The following EOMES variants were observed in gnomAD, a reference collection of about 807,000 sequenced individuals.
EOMES encodes the protein eomesodermin, also known as eomesodermin homolog.
A neutral mutation model predicts 61.0 loss-of-function variants in EOMES; 18 were observed. The ratio of observed to expected loss-of-function variants is 0.30; its 90% CI spans 0.20 to 0.44. The LOEUF (loss-of-function observed/expected upper bound fraction) is 0.44. Ranked by LOEUF, EOMES falls within the 20% of genes least tolerant of loss-of-function variation. The pLI is 1.00. For missense variants in EOMES, 885 were observed against 939.2 expected (o/e 0.94, Z 0.75); for synonymous variants, 430 against 394.0 (o/e 1.09, Z -1.08).
At chr3:27,722,689 T>A (rs1172803511), upstream of EOMES, 4 of 1,010,860 alleles carry the variant, frequency 4.0e-6, no homozygotes, top group Non-Finnish European at 4.7e-6. Context: ...TGCCAAAGCA[T>A]CGGTCAAGTT....
rs567195383 is a variant in EOMES, at chr3:27,717,718, G to T, written c.1470C>A (p.Gly490=). The T allele has an allele frequency of 6.2e-7, 1 of 1,613,808 alleles. No homozygotes were observed. The highest frequency in any genetic ancestry group is 1.1e-5 in the South Asian group (1 of 91,054). The change falls in exon 6 of 6, where the codon GGC becomes GGA. Residue 490 remains glycine, a synonymous_variant. Coordinates refer to ENST00000449599, the MANE Select transcript of EOMES (RefSeq NM_001278182.2). This position sits in a 1 kb window ranked among gnomAD's most constrained non-coding sequence, Gnocchi z 4.5. ...AGGGCTCCGGGAAGAAGGATTGAAC[G>T]CCGTACCGACCTCCAGGGACAATCT... The part of the protein sequence containing the change: ...SHQIVPGGRY[G]VQSFFPEPFV...
Position 27,717,033 on chromosome 3 carries a change from C to CA in EOMES, c.*36dup. On this transcript the variant is annotated 3_prime_UTR_variant, in exon 6 of 6. Coordinates refer to ENST00000449599, the MANE Select transcript of EOMES (RefSeq NM_001278182.2). The surrounding 1 kb of genome is among the most constrained non-coding windows in gnomAD (Gnocchi z 4.5). ...CAAAAAACACCACCAAGTCCATCTG[C>CA]AAAAAGTTAGCTAATTTTTGAGGTT... 1 of 1,539,068 alleles carries CA rather than the reference C, an allele frequency of 6.5e-7. No individual in the cohort carries two copies. Among genetic ancestry groups the CA allele is most frequent in the South Asian group, 1.2e-5 (1 of 82,698 alleles).
chr3:27,722,660 C>T, upstream of EOMES: 1 of 1,041,402 alleles, frequency 9.6e-7, no homozygotes, highest in South Asian at 4.4e-5. Flanking sequence ...TAGCCCGCGC[C>T]TTTCTGCCCT....
At chr3:27,720,126 T>TCTTCCCGCC (rs774399759) in intron 2 of EOMES, 45 bp downstream of exon 2, 1 of 1,515,572 alleles carries the variant, frequency 6.6e-7, no homozygotes, top group South Asian at 1.3e-5. Context: ...GGTTACGATT[T>TCTTCCCGCC]CTTCCCGCCC....
Position 27,722,195 on chromosome 3 carries a change from C to T in EOMES, c.100G>A (p.Gly34Ser), listed in dbSNP as rs1214840287. The change falls in exon 1 of 6, where the codon GGC (glycine) becomes AGC (serine). Residue 34 changes from glycine (G) to serine (S), a missense_variant. Gly to Ser is a moderately conservative substitution (Grantham distance 56, BLOSUM62 0). Coordinates refer to ENST00000449599, the MANE Select transcript of EOMES (RefSeq NM_001278182.2). ...SARGGSGGSA[G>S]HLPSAAPSPQ... The stretch of plus-strand genomic sequence containing the variant: ...GAGGGGGCCGCGCTGGGGAGGTGGC[C>T]AGCGCTCCCGCCGCTGCCGCCTCGC... 8 of 1,600,008 alleles carry T rather than the reference C, an allele frequency of 5.0e-6. No individual in the cohort carries two copies. Among genetic ancestry groups the T allele is most frequent in the Non-Finnish European group, 6.8e-6 (8 of 1,174,832 alleles).
rs2060572328 is a variant in EOMES at position 27,716,843 on chromosome 3, A to G, written c.*227T>C. The G allele has an allele frequency of 1.9e-6, 1 of 520,772 alleles. No individual in the cohort carries two copies. The highest frequency in any genetic ancestry group is 3.4e-6 in the Non-Finnish European group (1 of 296,844). The allele number at this position is 520,772 out of a possible 1,614,324, so 32.3% of individuals were successfully genotyped here. On this transcript the variant is annotated 3_prime_UTR_variant, in exon 6 of 6. Coordinates refer to ENST00000449599, the MANE Select transcript of EOMES (RefSeq NM_001278182.2). Reference sequence around the variant, plus strand: ...TTGGATACCCTTCGAATTTTAAAATACCTTAAAGTCTTCCATTAATCTTAT... The same window carrying G: ...TTGGATACCCTTCGAATTTTAAAATGCCTTAAAGTCTTCCATTAATCTTAT...
Position 27,717,066 on chromosome 3 carries a change from C to T in EOMES, c.*4G>A, listed in dbSNP as rs762640905. The T allele has an allele frequency of 6.3e-7, 1 of 1,594,002 alleles. No individual in the cohort carries two copies. Among genetic ancestry groups the T allele is most frequent in the South Asian group, 1.1e-5 (1 of 89,526 alleles). ...TAGCTAATTTTTGAGGTTAAAATAACTCTTTAGGGAGTTGTGTAAAAAGCA... is the reference window on the plus strand; with the variant it reads ...TAGCTAATTTTTGAGGTTAAAATAATTCTTTAGGGAGTTGTGTAAAAAGCA... On this transcript the variant is annotated 3_prime_UTR_variant, in exon 6 of 6. Transcript: ENST00000449599. The surrounding 1 kb of genome is among the most constrained non-coding windows in gnomAD (Gnocchi z 4.5).
upstream of EOMES, chr3:27,722,464 C>A: frequency 7.4e-7 from 1 of 1,358,538 alleles, no homozygotes; most frequent in Non-Finnish European, 9.4e-7. Context: ...CGCGTACTGG[C>A]GCGCCCTGAA....
Position 27,721,747 on chromosome 3 carries a change from G to A in EOMES, c.548C>T (p.Ala183Val). ...CAGCATGGAGCCGTAGGGGTAGCGC[G>A]CCCCGTTAGGAGCCGGGTACACAGG... ...HGPVYPAPNGARYPYGSMLPP... is the reference protein window; with the variant it reads ...HGPVYPAPNGVRYPYGSMLPP... Residue 183 changes from alanine (A) to valine (V), a missense_variant, in exon 1 of 6, where the codon GCG (alanine) becomes GTG (valine). Ala to Val is a moderately conservative substitution (Grantham distance 64, BLOSUM62 0). Coordinates refer to ENST00000449599, the MANE Select transcript of EOMES (RefSeq NM_001278182.2). The surrounding 1 kb of genome is among the most constrained non-coding windows in gnomAD (Gnocchi z 7.4). 3 of 1,486,824 alleles carry A rather than the reference G, an allele frequency of 2.0e-6. No homozygotes were observed. Among genetic ancestry groups the A allele is most frequent in the South Asian group, 1.4e-5 (1 of 72,920 alleles). 92.1% of individuals were successfully genotyped at this position (1,486,824 alleles called of 1,614,324 possible).
chr3:27,719,698 G>A (rs1460559979), intron 2 of EOMES, among the ~76,000 whole-genome samples: 1 of 152,148 alleles, frequency 6.6e-6, no homozygotes, highest in Non-Finnish European at 1.5e-5. Flanking sequence ...TTGCACTAGG[G>A]ACTCCCCTGA....
rs1371574102 is a variant in EOMES at position 27,721,536 on chromosome 3, T to G, written c.759A>C (p.Gly253=). 2 of 1,608,572 alleles carry G rather than the reference T, an allele frequency of 1.2e-6. No homozygotes were observed. The highest frequency in any genetic ancestry group is 2.2e-5 in the South Asian group (2 of 90,168). Residue 253 remains glycine, a synonymous_variant, in exon 1 of 6, where the codon GGA becomes GGC. Transcript: ENST00000449599. This position sits in a 1 kb window ranked among gnomAD's most constrained non-coding sequence, Gnocchi z 7.4. ...CTGGAACCCCCAGGCCCCCCAGTCC[T>G]CCGCAAGATCCCGCCGCTGCGGCTC... ...YPGAAAAGSC[G]GLGGLGVPGS... is the part of the protein sequence containing the mutation.
rs1410084068 is a variant in EOMES, at chr3:27,721,702, G to A, written c.593C>T (p.Ala198Val). 2.7e-6 allele frequency: 4 copies of A among 1,490,726 alleles called. No homozygotes were observed. The South Asian group carries it at 5.3e-5, about 20-fold the overall frequency. 92.3% of individuals were successfully genotyped at this position (1,490,726 alleles called of 1,614,324 possible). A position where few individuals can be genotyped will look rare whatever the true frequency, so the allele number is the denominator to read the frequency against. The change falls in exon 1 of 6, where the codon GCG becomes GTG. Residue 198 changes from alanine (A) to valine (V), a missense_variant. By Grantham distance (64) the Ala-to-Val change is moderately conservative (BLOSUM62 0). Coordinates refer to ENST00000449599, the MANE Select transcript of EOMES (RefSeq NM_001278182.2). The surrounding 1 kb of genome is among the most constrained non-coding windows in gnomAD (Gnocchi z 7.4). ...GSMLPPGGFP[A>V]AVCPPGRAQF... ...CGCCCTCCCGGGTGGGCACACAGCC[G>A]CGGGGAAGCCGCCGGGGGGCAGCAT...
chr3:27,717,940 G>A lies in EOMES; in HGVS notation c.1380-132C>T. The A allele has an allele frequency of 1.5e-6, 1 of 671,314 alleles. No individual in the cohort carries two copies. Among genetic ancestry groups the A allele is most frequent in the Non-Finnish European group, 2.4e-6 (1 of 416,682 alleles). The allele number at this position is 671,314 out of a possible 1,614,324, so 41.6% of individuals were successfully genotyped here. A position where few individuals can be genotyped will look rare whatever the true frequency, so the allele number is the denominator to read the frequency against. On this transcript the variant is annotated intron_variant, in intron 5 of 5. Transcript: ENST00000449599. This position sits in a 1 kb window ranked among gnomAD's most constrained non-coding sequence, Gnocchi z 4.5. ...AAAGTGCTGGTCTGTTGGGCTGAAA[G>A]AACAGAGGCAGGAGATGCACTGGCC...
chr3:27,722,333 C>G, upstream of EOMES: 1 of 1,464,606 alleles, frequency 6.8e-7, no homozygotes. Context: ...TGCTTCCTCT[C>G]CTCCGGTGGC....
Position 27,718,821 on chromosome 3 carries a change from C to T in EOMES, c.1231G>A (p.Glu411Lys). Residue 411 changes from glutamate (E) to lysine (K), a missense_variant, in exon 4 of 6, where the codon GAG becomes AAG. Transcript: ENST00000449599. ...HIVEVTEDGVEDLNEPSKTQT... is the reference protein window; with the variant it reads ...HIVEVTEDGVKDLNEPSKTQT... ...GTCTTTGAGGGCTCATTCAAGTCCT[C>T]CACGCCATCCTCTGTAACTTCAACA... 6.2e-7 allele frequency: 1 copy of T among 1,614,020 alleles called. No homozygotes were observed. Among genetic ancestry groups the T allele is most frequent in the Non-Finnish European group, 8.5e-7 (1 of 1,179,910 alleles).
At chr3:27,719,256 C>T in intron 3 of EOMES, 104 bp downstream of exon 3, 2 of 1,222,464 alleles carry the variant, frequency 1.6e-6, no homozygotes, top group Non-Finnish European at 2.3e-6. Context: ...AAACAGGTCA[C>T]AAATGCAAAT....
At position 27,722,081 on chromosome 3, in the gene EOMES, T is replaced by C. The variant is rs1486057940; in HGVS notation, c.214A>G (p.Ser72Gly). Residue 72 changes from serine (S) to glycine (G), a missense_variant, in exon 1 of 6, where the codon AGC (serine) becomes GGC (glycine). Around this residue, in one of 3 missense-constraint regions of EOMES, gnomAD observed 449 missense variants for 383.6 expected, o/e 1.17. Transcript: ENST00000449599. ...EAVSGEPAAA[S>G]AGAPAAMLSD... ...AGCATGGCCGCGGGGGCCCCTGCGC[T>C]GGCGGCTGCGGGCTCCCCGCTCACC... 1 of 1,547,876 alleles carries C rather than the reference T, an allele frequency of 6.5e-7. No homozygotes were observed. The highest frequency in any genetic ancestry group is 2.5e-5 in the East Asian group (1 of 40,642).
At position 27,716,934 on chromosome 3, in the gene EOMES, A is replaced by G. The variant is rs1480900274; in HGVS notation, c.*136T>C. On this transcript the variant is annotated 3_prime_UTR_variant, in exon 6 of 6. Transcript: ENST00000449599. ...TCAAAAAGCTTTGGCACCTTCTTTT[A>G]GAGAATTGCACAAAACAGGATGCAT... is the stretch of plus-strand genomic sequence containing the variant. The G allele has an allele frequency of 1.6e-6, 1 of 644,340 alleles. No individual in the cohort carries two copies. Among genetic ancestry groups the G allele is most frequent in the African/African-American group, 1.8e-5 (1 of 55,262 alleles). 39.9% of individuals were successfully genotyped at this position (644,340 alleles called of 1,614,324 possible).
At position 27,721,938 on chromosome 3, in the gene EOMES, T is replaced by A. The variant is rs766572704; in HGVS notation, c.357A>T (p.Ala119=). 1.2e-5 allele frequency: 12 copies of A among 1,006,184 alleles called. No homozygotes were observed. The highest frequency in any genetic ancestry group is 1.5e-5 in the Non-Finnish European group (12 of 777,262). 62.3% of individuals were successfully genotyped at this position (1,006,184 alleles called of 1,614,324 possible). ...CGEEELPSAA[A]AAAAAAAAAA... Reference sequence around the variant, plus strand: ...CCGCGGCGGCGGCGGCGGCGGCGGCTGCAGCGGCGGAGGGCAGCTCCTCCT... The same window carrying A: ...CCGCGGCGGCGGCGGCGGCGGCGGCAGCAGCGGCGGAGGGCAGCTCCTCCT... Residue 119 remains alanine (A), a synonymous_variant, in exon 1 of 6, where the codon GCA becomes GCT. Transcript: ENST00000449599. This position sits in a 1 kb window ranked among gnomAD's most constrained non-coding sequence, Gnocchi z 7.4.
Sources: allele counts gnomAD v4.1 joint callset (sites outside exome capture counted in the v4.1 genomes callset), GRCh38; gene constraint gnomAD v4.1.1; regional missense constraint gnomAD v4.1.1; non-coding constraint Gnocchi (gnomAD v3.1); transcripts MANE v1.5; gene names NCBI Gene and HGNC (gene_info 2026-07-23, HGNC 2026-07-21).